The following SLC17A5 variants were observed in gnomAD, a reference collection of about 807,000 sequenced individuals.
SLC17A5 encodes solute carrier family 17 member 5.
In SLC17A5, 47 loss-of-function variants were observed where a neutral mutation model predicts 59.4. The observed-to-expected ratio is 0.79, with a 90% CI of 0.63 to 1.01. The LOEUF is 1.01. Among genes scored for constraint, SLC17A5 ranks in the 50% least tolerant of loss-of-function variants. SLC17A5 has a pLI of 0.00. For missense variants in SLC17A5, 522 were observed against 595.5 expected (o/e 0.88, Z 1.28); for synonymous variants, 202 against 210.7 (o/e 0.96, Z 0.36).
intron 10 of SLC17A5, among the ~76,000 whole-genome samples, chr6:73,599,855 G>C (rs1055598516): frequency 2.6e-5 from 4 of 151,532 alleles, no homozygotes; most frequent in African/African-American, 9.7e-5. Flanking sequence ...CTGGAGTGCA[G>C]TGGTGATGTT....
chr6:73,625,157 C>T (rs1450870058), intron 6 of SLC17A5, among the ~76,000 whole-genome samples: 1 of 152,006 alleles, frequency 6.6e-6, no homozygotes, highest in African/African-American at 2.4e-5. Context: ...TGTAGATATG[C>T]TCTTGTGTTT....
chr6:73,644,649 A>G lies in SLC17A5; in HGVS notation c.95-46T>C, dbSNP rs1480153804. The G allele has an allele frequency of 3.9e-6, 6 of 1,527,370 alleles. No individual in the cohort carries two copies. The African/African-American group carries it at 8.3e-5, about 21-fold the overall frequency. The allele number at this position is 1,527,370 out of a possible 1,614,324, so 94.6% of individuals were successfully genotyped here. On this transcript the variant is annotated intron_variant, in intron 1 of 10. Coordinates refer to ENST00000355773, the MANE Select transcript of SLC17A5 (RefSeq NM_012434.5). ...AATTTTTATTTATTTTTAAATTTTT[A>G]TTTTTAGAGACAGGGTTTTGCCATG...
At chr6:73,638,973 A>T (rs1769153048) in intron 3 of SLC17A5, among the ~76,000 whole-genome samples, 1 of 152,230 alleles carries the variant, frequency 6.6e-6, no homozygotes, top group African/African-American at 2.4e-5. Context: ...CCTGAATGAA[A>T]GGGAATATTA....
Position 73,615,367 on chromosome 6 carries a change from C to T in SLC17A5, c.1059G>A (p.Arg353=), listed in dbSNP as rs149017456. The change falls in exon 8 of 11, where the codon AGG becomes AGA. Residue 353 remains arginine (R), a synonymous_variant. Coordinates refer to ENST00000355773, the MANE Select transcript of SLC17A5 (RefSeq NM_012434.5). The part of the protein sequence containing the change: ...ILSGQAADNL[R]AKWNFSTLCV... ...ATAAAGTTGAAAAATTCCATTTTGC[C>T]CTTAAATTGTCAGCAGCTTGACCAG... 5.7e-5 allele frequency: 92 copies of T among 1,613,902 alleles called. No homozygotes were observed. In the African/African-American group the frequency reaches 9.6e-4, roughly 17 times the overall value.
chr6:73,625,095 T>C (rs922802334), intron 6 of SLC17A5, among the ~76,000 whole-genome samples: 7 of 152,222 alleles, frequency 4.6e-5, no homozygotes, highest in African/African-American at 1.7e-4. Context: ...AGAACCAGTA[T>C]TGCCCAACCT....
At chr6:73,636,735 A>C (rs774521196) in intron 4 of SLC17A5, 28 bp from the exon 5 acceptor site, 4 of 1,515,954 alleles carry the variant, frequency 2.6e-6, no homozygotes, top group Non-Finnish European at 3.7e-6. Context: ...ACTATTTTAT[A>C]AACTTTGGAG....
intron 7 of SLC17A5, among the ~76,000 whole-genome samples, chr6:73,617,266 G>C (rs1010199969): frequency 6.6e-6 from 1 of 151,372 alleles, no homozygotes; most frequent in African/African-American, 2.4e-5. Flanking sequence ...AGTCAGTCCA[G>C]CATGGGTGAC....
intron 9 of SLC17A5, among the ~76,000 whole-genome samples, chr6:73,608,546 A>G (rs894060097): frequency 2.5e-4 from 38 of 152,202 alleles, no homozygotes; most frequent in African/African-American, 8.9e-4. Context: ...GAAGCCTATT[A>G]TTTCTGGATA....
chr6:73,633,659 G>C (rs960499406), intron 6 of SLC17A5, among the ~76,000 whole-genome samples: 1 of 151,834 alleles, frequency 6.6e-6, no homozygotes, highest in African/African-American at 2.4e-5. Flanking sequence ...TGGGAGGATC[G>C]CTTGAGGCCA....
chr6:73,640,487 G>C (rs1481950635), intron 3 of SLC17A5, among the ~76,000 whole-genome samples: 1 of 152,206 alleles, frequency 6.6e-6, no homozygotes, highest in Non-Finnish European at 1.5e-5. Flanking sequence ...CTGAGATCTA[G>C]AGATTAGAGC....
At chr6:73,640,002 T>C (rs1393186864) in intron 3 of SLC17A5, among the ~76,000 whole-genome samples, 1 of 152,128 alleles carries the variant, frequency 6.6e-6, no homozygotes, top group African/African-American at 2.4e-5. Context: ...GCCGAGATCA[T>C]GCCACTGCAC....
chr6:73,623,159 C>T (rs2150100671), intron 6 of SLC17A5, among the ~76,000 whole-genome samples: 2 of 152,132 alleles, frequency 1.3e-5, no homozygotes, highest in African/African-American at 4.8e-5. Context: ...CTGCCTCAGC[C>T]TCACGAGTAG....
chr6:73,631,700 T>C (rs1434376402), intron 6 of SLC17A5, among the ~76,000 whole-genome samples: 1 of 151,916 alleles, frequency 6.6e-6, no homozygotes, highest in Non-Finnish European at 1.5e-5. Context: ...CCACCTTCTC[T>C]GTTCCAAAGA....
chr6:73,621,861 A>C lies in SLC17A5; in HGVS notation c.921T>G (p.Thr307=). 6.2e-7 allele frequency: 1 copy of C among 1,613,512 alleles called. No homozygotes were observed. The highest frequency in any genetic ancestry group is 8.5e-7 in the Non-Finnish European group (1 of 1,179,438). The stretch of plus-strand genomic sequence containing the variant: ...TATAAGTAGGCAATAATGTCAATAA[A>C]GTATAAAAAGTCCAGTTGTAAGAAA... The part of the protein sequence containing the change: ...AHFSYNWTFY[T]LLTLLPTYMK... The change falls in exon 7 of 11, where the codon ACT becomes ACG. Residue 307 remains threonine (T), a synonymous_variant. Transcript: ENST00000355773.
intron 1 of SLC17A5, among the ~76,000 whole-genome samples, chr6:73,646,401 T>TC (rs34593089): frequency 1.3e-5 from 2 of 152,230 alleles, no homozygotes; most frequent in Non-Finnish European, 2.9e-5. Flanking sequence ...TATTTTTTTT[T>TC]CCCTGTGTAA....
intron 1 of SLC17A5, chr6:73,653,314 G>C (rs1769956832): frequency 1.9e-5 from 19 of 985,346 alleles, no homozygotes; most frequent in Non-Finnish European, 2.0e-5. Context: ...AGCGGTGACA[G>C]GGAAGGACAG....
At chr6:73,609,666 G>T (rs1422765413) in intron 9 of SLC17A5, among the ~76,000 whole-genome samples, 1 of 152,166 alleles carries the variant, frequency 6.6e-6, no homozygotes, top group Non-Finnish European at 1.5e-5. Context: ...AGTCTAGTTG[G>T]GTGAACAGAC....
chr6:73,621,294 C>T (rs564637403), intron 7 of SLC17A5, among the ~76,000 whole-genome samples: 3 of 152,194 alleles, frequency 2.0e-5, no homozygotes, highest in African/African-American at 7.2e-5. Context: ...CGTGAGCGAC[C>T]GCGCCTGGCC....
At chr6:73,648,480 G>C (rs1196920770) in intron 1 of SLC17A5, among the ~76,000 whole-genome samples, 1 of 152,186 alleles carries the variant, frequency 6.6e-6, no homozygotes. Flanking sequence ...ATCTGTTTCT[G>C]ATTTTTCACT....
Sources: gnomAD v4.1 joint callset for allele counts (sites outside exome capture counted in the v4.1 genomes callset) on GRCh38, gnomAD v4.1.1 for gene constraint, MANE v1.5 for transcripts, NCBI Gene and HGNC (gene_info 2026-07-23, HGNC 2026-07-21) for gene names.